FBXL20: variants seen among roughly 807,000 people sequenced by gnomAD.
FBXL20 encodes the protein F-box and leucine rich repeat protein 20.
Under a neutral mutation model 64.0 loss-of-function variants are expected in FBXL20, and 11 were observed. The ratio of observed to expected loss-of-function variants is 0.17; its 90% confidence interval spans 0.11 to 0.28. The LOEUF (loss-of-function observed/expected upper bound fraction) is 0.28, where lower values mean the gene tolerates loss of function less well. Among genes scored for constraint, FBXL20 ranks in the 10% least tolerant of loss-of-function variants. The probability of loss-of-function intolerance (pLI) is 1.00; values close to 1 mark genes in which losing one functional copy is unlikely to be tolerated. For synonymous variants in FBXL20, 184 were observed against 189.0 expected (o/e 0.97, Z 0.22); for missense variants, 303 against 526.2 (o/e 0.58, Z 4.15).
intron 1 of FBXL20, among the ~76,000 whole-genome samples, chr17:39,365,996 A>C (rs954767771): frequency 2.0e-5 from 3 of 151,922 alleles, no homozygotes; most frequent in Non-Finnish European, 2.9e-5. Context: ...AATTTAAAAA[A>C]ATTTTTTTTT....
chr17:39,321,088 C>A (rs1045708134), intron 2 of FBXL20, among the ~76,000 whole-genome samples: 29 of 152,096 alleles, frequency 1.9e-4, no homozygotes, highest in Admixed American at 3.9e-4. Flanking sequence ...CCAAAATATA[C>A]AGTGAACATA....
intron 1 of FBXL20, among the ~76,000 whole-genome samples, chr17:39,383,736 C>T (rs979839405): frequency 4.6e-5 from 7 of 151,562 alleles, no homozygotes; most frequent in African/African-American, 1.5e-4. Context: ...ATTACAGGCG[C>T]ATGTCACCAT....
rs369823078 is a variant in FBXL20 at position 39,331,132 on chromosome 17, A to T, written c.104+12048T>A. Among the ~76,000 whole-genome samples, 122 of 152,298 alleles carry T rather than the reference A, an allele frequency of 8.0e-4. 1 individual carries two copies. Among genetic ancestry groups the T allele is most frequent in the African/African-American group, 2.9e-3 (119 of 41,574 alleles). ...TTTTCGTTTTGTTTTGTTAAGACAG[A>T]GTCTCGCTCTGCGCCCAGGCTAGAG... is the stretch of plus-strand genomic sequence containing the variant. On this transcript the variant is annotated intron_variant, in intron 2 of 14. Transcript: ENST00000264658.
rs971268172 is a variant in FBXL20 at position 39,260,255 on chromosome 17, G to T, written c.*1205C>A. 5.9e-5 allele frequency: 9 copies of T among 152,178 alleles called. No homozygotes were observed. The highest frequency in any genetic ancestry group is 2.2e-4 in the African/African-American group (9 of 41,442). 9.4% of individuals were successfully genotyped at this position (152,178 alleles called of 1,614,324 possible). ...TCAGAGATGCCACTGATCACTCCTA[G>T]ATTTCAGTAAATATATAATAACATT... On this transcript the variant is annotated 3_prime_UTR_variant, in exon 15 of 15. Coordinates refer to ENST00000264658, the MANE Select transcript of FBXL20 (RefSeq NM_032875.3).
intron 1 of FBXL20, among the ~76,000 whole-genome samples, chr17:39,371,353 T>A (rs1465934831): frequency 2.0e-5 from 3 of 152,226 alleles, no homozygotes; most frequent in Non-Finnish European, 4.4e-5. Context: ...TATATTTTTT[T>A]AAAATTCAGC....
chr17:39,373,839 TA>T (rs1234324343), intron 1 of FBXL20, among the ~76,000 whole-genome samples: 1 of 152,222 alleles, frequency 6.6e-6, no homozygotes, highest in African/African-American at 2.4e-5. Flanking sequence ...TTCTTTCAAC[TA>T]AAAGTGAAGA....
chr17:39,303,673 G>A (rs576217979), intron 2 of FBXL20, 34 bp from the exon 3 acceptor site: 30 of 1,554,908 alleles, frequency 1.9e-5, no homozygotes, highest in African/African-American at 2.7e-5. Context: ...AAATTTTATT[G>A]TATGATAAAG....
chr17:39,310,164 A>AAAAAAAG (rs1567874032), intron 2 of FBXL20, among the ~76,000 whole-genome samples: 1 of 151,420 alleles, frequency 6.6e-6, no homozygotes, highest in African/African-American at 2.4e-5. Flanking sequence ...AAAAAAAAAA[A>AAAAAAAG]AAAAGAAAAG....
At chr17:39,295,455 C>T (rs568039179) in intron 6 of FBXL20, among the ~76,000 whole-genome samples, 3 of 152,128 alleles carry the variant, frequency 2.0e-5, no homozygotes, top group South Asian at 4.1e-4. Flanking sequence ...GGGGTTTCAC[C>T]ATGTTGGCCA....
intron 2 of FBXL20, among the ~76,000 whole-genome samples, chr17:39,329,328 A>T (rs762597995): frequency 7.2e-5 from 11 of 152,352 alleles, no homozygotes; most frequent in Non-Finnish European, 1.3e-4. Context: ...ATAATCTTCA[A>T]AACTGTCAAT....
chr17:39,312,836 A>G (rs576626429), intron 2 of FBXL20, among the ~76,000 whole-genome samples: 1 of 150,926 alleles, frequency 6.6e-6, no homozygotes, highest in East Asian at 2.0e-4. Context: ...TCAGCCTCCC[A>G]AAGTGCTGGG....
chr17:39,398,660 C>T (rs1023399660), intron 1 of FBXL20, among the ~76,000 whole-genome samples: 2 of 151,698 alleles, frequency 1.3e-5, no homozygotes, highest in Non-Finnish European at 2.9e-5. Flanking sequence ...CTAACAGGTA[C>T]TCACCCTCGT....
chr17:39,376,323 T>G (rs78318619), intron 1 of FBXL20, among the ~76,000 whole-genome samples: 306 of 152,136 alleles, frequency 2.0e-3, no homozygotes, highest in African/African-American at 6.8e-3. Context: ...TCAAAAATAT[T>G]TATAGGCAAA....
At chr17:39,316,698 T>C (rs931375767) in intron 2 of FBXL20, among the ~76,000 whole-genome samples, 1 of 152,118 alleles carries the variant, frequency 6.6e-6, no homozygotes, top group Non-Finnish European at 1.5e-5. Context: ...TTAAGAAGAA[T>C]GGGACGGCTG....
chr17:39,358,516 C>A (rs892094864), intron 1 of FBXL20, among the ~76,000 whole-genome samples: 3 of 151,998 alleles, frequency 2.0e-5, no homozygotes, highest in Non-Finnish European at 4.4e-5. Context: ...AACCCTGTCT[C>A]TTCTAAAAAT....
chr17:39,365,018 G>A (rs1331597869), intron 1 of FBXL20, among the ~76,000 whole-genome samples: 2 of 152,062 alleles, frequency 1.3e-5, no homozygotes, highest in Admixed American at 6.6e-5. Flanking sequence ...AAATTTCATA[G>A]ATTAAGAAAT....
intron 1 of FBXL20, among the ~76,000 whole-genome samples, chr17:39,343,927 G>A (rs531282646): frequency 4.6e-5 from 7 of 152,066 alleles, no homozygotes; most frequent in African/African-American, 1.2e-4. Context: ...GCAGTGGTGC[G>A]ATCTCGGCTC....
At position 39,265,382 on chromosome 17, in the gene FBXL20, C is replaced by T; in HGVS notation, c.990+15G>A. Reference sequence around the variant, plus strand: ...AAACCCAGTAAACACATAAAGTTTTCAAAGTTAAACTCACCAATACTTGAA... The same window carrying T: ...AAACCCAGTAAACACATAAAGTTTTTAAAGTTAAACTCACCAATACTTGAA... On this transcript the variant is annotated intron_variant, in intron 13 of 14. Coordinates refer to ENST00000264658, the MANE Select transcript of FBXL20 (RefSeq NM_032875.3). The T allele has an allele frequency of 6.2e-7, 1 of 1,600,098 alleles. No homozygotes were observed. The highest frequency in any genetic ancestry group is 8.6e-7 in the Non-Finnish European group (1 of 1,169,172).
At chr17:39,288,679 GT>G (rs1271668814) in intron 6 of FBXL20, among the ~76,000 whole-genome samples, 1 of 151,312 alleles carries the variant, frequency 6.6e-6, no homozygotes, top group Non-Finnish European at 1.5e-5. Flanking sequence ...GACCTTTTTT[GT>G]TTTTTTAAGT....
Sources: allele counts gnomAD v4.1 joint callset (sites outside exome capture counted in the v4.1 genomes callset), GRCh38; gene constraint gnomAD v4.1.1; transcripts MANE v1.5; gene names NCBI Gene and HGNC (gene_info 2026-07-23, HGNC 2026-07-21).